Variants in HIBADH observed in about 807,000 individuals in gnomAD.
HIBADH encodes the protein 3-hydroxyisobutyrate dehydrogenase, mitochondrial.
A neutral mutation model predicts 36.1 loss-of-function variants in HIBADH; 25 were observed. That is an observed-to-expected ratio of 0.69 (90% CI 0.50 to 0.97). The LOEUF (loss-of-function observed/expected upper bound fraction) is 0.97. Ranked by LOEUF, HIBADH falls within the 50% of genes least tolerant of loss-of-function variation. The pLI is 0.00. For synonymous variants in HIBADH, 160 were observed against 149.5 expected (o/e 1.07, Z -0.51); for missense variants, 421 against 418.0 (o/e 1.01, Z -0.06).
Position 27,662,706 on chromosome 7 carries a change from A to AAGCTGCCGGCTGCCGGCCGC in HIBADH, c.63_82dup (p.Phe28CysfsTer39). The AAGCTGCCGGCTGCCGGCCGC allele has an allele frequency of 1.5e-6, 2 of 1,366,378 alleles. No individual in the cohort carries two copies. The highest frequency in any genetic ancestry group is 1.9e-6 in the Non-Finnish European group (2 of 1,053,170). 84.6% of individuals were successfully genotyped at this position (1,366,378 alleles called of 1,614,324 possible). On this transcript the variant is annotated frameshift_variant, in exon 1 of 8. Coordinates refer to ENST00000265395, the MANE Select transcript of HIBADH (RefSeq NM_152740.4). LOFTEE classifies it high-confidence loss of function. Reference sequence around the variant, plus strand: ...AGGCGTGAGGTCCTTACCCGCTGCAAAGCTGCCGGCTGCCGGCCGCAGCCG... The same window carrying AAGCTGCCGGCTGCCGGCCGC: ...AGGCGTGAGGTCCTTACCCGCTGCAAAGCTGCCGGCTGCCGGCCGCAGCTGCCGGCTGCCGGCCGCAGCCG...
chr7:27,572,347 T>C (rs959670461), intron 4 of HIBADH, among the ~76,000 whole-genome samples: 1 of 152,218 alleles, frequency 6.6e-6, no homozygotes, highest in African/African-American at 2.4e-5. Flanking sequence ...TATTTTAATA[T>C]ACCTAGTCTA....
chr7:27,591,452 G>C (rs1398151593), intron 4 of HIBADH, among the ~76,000 whole-genome samples: 1 of 152,038 alleles, frequency 6.6e-6, no homozygotes. Flanking sequence ...TCGGGAGGCT[G>C]AGGTAGAAGA....
rs142908060 is a variant in HIBADH, at chr7:27,541,538, T to C, written c.618+1429A>G. 1.0e-3 allele frequency among the ~76,000 whole-genome samples: 154 copies of C among 152,312 alleles called. 1 individual carries two copies. The highest frequency in any genetic ancestry group is 3.6e-3 in the African/African-American group (150 of 41,580). ...GTAGCTGCAGTGATGGGTTCATGAC[T>C]ATTCTTTTCTTTGTTTACAATGGTC... On this transcript the variant is annotated intron_variant, in intron 5 of 7. Transcript: ENST00000265395.
At chr7:27,612,775 A>G (rs998562598) in intron 4 of HIBADH, among the ~76,000 whole-genome samples, 3 of 150,524 alleles carry the variant, frequency 2.0e-5, no homozygotes, top group East Asian at 2.0e-4. Flanking sequence ...CACTACAAAA[A>G]AAATTTAAAA....
rs1183379040 is a variant in HIBADH at position 27,662,753 on chromosome 7, G to A, written c.36C>T (p.Ser12=). The change falls in exon 1 of 8, where the codon TCC becomes TCT. Residue 12 remains serine (S), a synonymous_variant. Transcript: ENST00000265395. The part of the protein sequence containing the change: ...AASLRLLGAA[S]GLRYWSRRLR... The stretch of plus-strand genomic sequence containing the variant: ...GCCGCCGGCTCCAGTACCGGAGACC[G>A]GAGGCAGCTCCGAGGAGCCGTAAGG... The A allele has an allele frequency of 2.1e-6, 3 of 1,437,496 alleles. No individual in the cohort carries two copies. Among genetic ancestry groups the A allele is most frequent in the Admixed American group, 2.9e-5 (1 of 34,680 alleles). 89.0% of individuals were successfully genotyped at this position (1,437,496 alleles called of 1,614,324 possible). A position where few individuals can be genotyped will look rare whatever the true frequency, so the allele number is the denominator to read the frequency against.
chr7:27,547,496 T>C (rs1431042178), intron 4 of HIBADH, among the ~76,000 whole-genome samples: 10 of 152,142 alleles, frequency 6.6e-5, no homozygotes, highest in Admixed American at 5.2e-4. Flanking sequence ...GCTCATTCAC[T>C]CACATCCACT....
intron 4 of HIBADH, among the ~76,000 whole-genome samples, chr7:27,563,138 G>C (rs1027574872): frequency 6.6e-6 from 1 of 152,086 alleles, no homozygotes; most frequent in African/African-American, 2.4e-5. Flanking sequence ...TGCCTTTCCA[G>C]GATGTTATAT....
At chr7:27,628,566 T>G (rs1472050885) in intron 4 of HIBADH, among the ~76,000 whole-genome samples, 1 of 152,212 alleles carries the variant, frequency 6.6e-6, no homozygotes, top group African/African-American at 2.4e-5. Context: ...AATGTATGAG[T>G]TAATAGTAAA....
chr7:27,527,942 T>TTTA (rs778059186), intron 7 of HIBADH, among the ~76,000 whole-genome samples: 2 of 115,280 alleles, frequency 1.7e-5, no homozygotes, highest in Non-Finnish European at 3.9e-5. Flanking sequence ...TTTTTTTTTT[T>TTTA]AGTAGAGACA....
chr7:27,580,886 A>C (rs1169785256), intron 4 of HIBADH, among the ~76,000 whole-genome samples: 1 of 152,214 alleles, frequency 6.6e-6, no homozygotes, highest in African/African-American at 2.4e-5. Flanking sequence ...CTGACTTCAG[A>C]GACCACTGCT....
chr7:27,574,683 TG>T (rs1369552637), intron 4 of HIBADH, among the ~76,000 whole-genome samples: 1 of 152,200 alleles, frequency 6.6e-6, no homozygotes, highest in Non-Finnish European at 1.5e-5. Context: ...ACTCAGCCAC[TG>T]GAACTAATAC....
At chr7:27,654,674 G>A (rs1786265101) in intron 1 of HIBADH, among the ~76,000 whole-genome samples, 1 of 142,668 alleles carries the variant, frequency 7.0e-6, no homozygotes. Flanking sequence ...GTATGATGAT[G>A]GATATGTTTA....
intron 4 of HIBADH, among the ~76,000 whole-genome samples, chr7:27,617,500 C>CTT (rs1464528921): frequency 1.3e-5 from 2 of 152,068 alleles, no homozygotes; most frequent in African/African-American, 4.8e-5. Context: ...ACGACAGATA[C>CTT]CAGACAGCCA....
chr7:27,628,452 T>A (rs1785686912), intron 4 of HIBADH, among the ~76,000 whole-genome samples: 1 of 152,128 alleles, frequency 6.6e-6, no homozygotes, highest in African/African-American at 2.4e-5. Flanking sequence ...AATATAAATG[T>A]GTACACAGTA....
intron 4 of HIBADH, among the ~76,000 whole-genome samples, chr7:27,573,396 T>C (rs192198913): frequency 3.3e-5 from 5 of 152,324 alleles, no homozygotes; most frequent in Admixed American, 3.3e-4. Flanking sequence ...GTTATGGCAA[T>C]TACCGATCCA....
At chr7:27,655,413 G>C (rs1019915925) in intron 1 of HIBADH, among the ~76,000 whole-genome samples, 1 of 152,082 alleles carries the variant, frequency 6.6e-6, no homozygotes, top group African/African-American at 2.4e-5. Flanking sequence ...TGATTCAAGC[G>C]GGATAGGTAT....
chr7:27,641,890 C>A lies in HIBADH; in HGVS notation c.252+7583G>T, dbSNP rs148443558. ...CCTTCCACTGCTGTTAAAATCAATA[C>A]TCAGAGGACCTCTTAGAGTCAAGAT... On this transcript the variant is annotated intron_variant, in intron 2 of 7. Coordinates refer to ENST00000265395, the MANE Select transcript of HIBADH (RefSeq NM_152740.4). Among the ~76,000 whole-genome samples, 617 of 152,232 alleles carry A rather than the reference C, an allele frequency of 4.1e-3. 4 individuals are homozygous for A. The highest frequency in any genetic ancestry group is 0.02 in the Middle Eastern group (6 of 294).
Position 27,630,369 on chromosome 7 carries a change from G to A in HIBADH, c.363-877C>T, listed in dbSNP as rs146324472. ...TTGTCCAGGCTGATCTTGAACTCCT[G>A]GGCTCAACCAATCATCCTGCCTCAG... On this transcript the variant is annotated intron_variant, in intron 3 of 7. Coordinates refer to ENST00000265395, the MANE Select transcript of HIBADH (RefSeq NM_152740.4). Among the ~76,000 whole-genome samples, 21 of 152,142 alleles carry A rather than the reference G, an allele frequency of 1.4e-4. No individual in the cohort carries two copies. The East Asian group carries it at 3.9e-3, about 28-fold the overall frequency.
intron 4 of HIBADH, among the ~76,000 whole-genome samples, chr7:27,613,006 A>T (rs2128292179): frequency 1.5e-5 from 2 of 136,910 alleles, no homozygotes; most frequent in East Asian, 4.0e-4. Context: ...TAGGATATAT[A>T]TATCCAAAAA....
Sources: gnomAD v4.1 joint callset for allele counts (sites outside exome capture counted in the v4.1 genomes callset) on GRCh38, gnomAD v4.1.1 for gene constraint, MANE v1.5 for transcripts, NCBI Gene and HGNC (gene_info 2026-07-23, HGNC 2026-07-21) for gene names.